Variants in ZFPM2 observed in about 807,000 individuals in gnomAD.
The protein encoded by ZFPM2 is zinc finger protein ZFPM2.
In ZFPM2, 20 loss-of-function variants were observed where a neutral mutation model predicts 98.6. The observed-to-expected ratio is 0.20, with a 90% CI of 0.14 to 0.29. The LOEUF is 0.29. Ranked by LOEUF, ZFPM2 falls within the 10% of genes least tolerant of loss-of-function variation. ZFPM2 has a pLI of 1.00. For missense variants in ZFPM2, 1,310 were observed against 1,388.6 expected (o/e 0.94, Z 0.90); for synonymous variants, 518 against 502.7 (o/e 1.03, Z -0.41).
intron 3 of ZFPM2, among the ~76,000 whole-genome samples, chr8:105,551,468 T>C (rs1814851749): frequency 6.6e-6 from 1 of 152,194 alleles, no homozygotes; most frequent in South Asian, 2.1e-4. Flanking sequence ...TTGTTATACT[T>C]GTTCTCTGAA....
Position 105,707,565 on chromosome 8 carries a change from C to T in ZFPM2, c.532+73208C>T, listed in dbSNP as rs1345902666. Among the ~76,000 whole-genome samples the T allele has an allele frequency of 2.0e-5, 3 of 152,252 alleles. No individual in the cohort carries two copies. The East Asian group carries it at 5.8e-4, about 29-fold the overall frequency. On this transcript the variant is annotated intron_variant, in intron 5 of 7. Transcript: ENST00000407775. ...TGTCTGTTGGTCAGGGTAGGTAAGA[C>T]CAATCCAATTCAGTGTATGGCCTTG...
chr8:105,391,163 G>T (rs1334430960), intron 1 of ZFPM2, among the ~76,000 whole-genome samples: 6 of 152,178 alleles, frequency 3.9e-5, no homozygotes, highest in Non-Finnish European at 8.8e-5. Flanking sequence ...AAATCTTTCA[G>T]TATGGTACCA....
intron 3 of ZFPM2, among the ~76,000 whole-genome samples, chr8:105,488,937 G>A (rs995777683): frequency 5.3e-5 from 8 of 152,074 alleles, no homozygotes; most frequent in African/African-American, 1.9e-4. Flanking sequence ...AATTTAGTTT[G>A]AAACATTATT....
In ZFPM2 at chr8:105,802,912, G is replaced by A. The variant is rs758178975; in HGVS notation, c.2830G>A (p.Val944Ile). Residue 944 changes from valine (V) to isoleucine (I), a missense_variant, in exon 8 of 8, where the codon GTC (valine) becomes ATC (isoleucine). Physicochemically the swap from Val to Ile is conservative, Grantham distance 29. Transcript: ENST00000407775. ...CCTAGCAACCCTGCAAGGCTTGAAG[G>A]TCTTTAGTGAAGCTGCTCAGCTCAT... is the stretch of plus-strand genomic sequence containing the variant. ...SHLATLQGLK[V>I]FSEAAQLIAT... 1 of 1,613,620 alleles carries A rather than the reference G, an allele frequency of 6.2e-7. No homozygotes were observed. The highest frequency in any genetic ancestry group is 1.7e-5 in the Admixed American group (1 of 59,958).
intron 4 of ZFPM2, among the ~76,000 whole-genome samples, chr8:105,595,892 A>G (rs1400315742): frequency 2.0e-5 from 3 of 151,968 alleles, no homozygotes; most frequent in Non-Finnish European, 4.4e-5. Context: ...ATAGAATAAT[A>G]TACTGCTAAC....
chr8:105,691,908 A>G (rs1421587610), intron 5 of ZFPM2, among the ~76,000 whole-genome samples: 1 of 152,222 alleles, frequency 6.6e-6, no homozygotes, highest in Non-Finnish European at 1.5e-5. Flanking sequence ...GTTTCTACTT[A>G]TTAAAAACTA....
At chr8:105,494,227 A>ATATATATT (rs56993483) in intron 3 of ZFPM2, among the ~76,000 whole-genome samples, 1 of 127,642 alleles carries the variant, frequency 7.8e-6, no homozygotes, top group Non-Finnish European at 1.6e-5. Context: ...ATATATATAT[A>ATATATATT]ATCTCAAACT....
Position 105,802,337 on chromosome 8 carries a change from G to A in ZFPM2, c.2255G>A (p.Arg752Lys). The A allele has an allele frequency of 6.2e-7, 1 of 1,613,736 alleles. No individual in the cohort carries two copies. The highest frequency in any genetic ancestry group is 8.5e-7 in the Non-Finnish European group (1 of 1,179,820). Residue 752 changes from arginine (R) to lysine (K), a missense_variant, in exon 8 of 8, where the codon AGG becomes AAG. Coordinates refer to ENST00000407775, the MANE Select transcript of ZFPM2 (RefSeq NM_012082.4). ...ATGTGCCTACCTGAGCAGGAACAAA[G>A]GCCTCCACTGGTTCAGCAGAGATTT... is the stretch of plus-strand genomic sequence containing the variant. ...YEMCLPEQEQ[R>K]PPLVQQRFLD...
chr8:105,735,143 A>T, intron 5 of ZFPM2, among the ~76,000 whole-genome samples: 1 of 148,456 alleles, frequency 6.7e-6, no homozygotes, highest in East Asian at 2.0e-4. Context: ...TACATCTATA[A>T]TATAGACATA....
At chr8:105,332,007 A>G (rs942221504) in intron 1 of ZFPM2, among the ~76,000 whole-genome samples, 8 of 151,630 alleles carry the variant, frequency 5.3e-5, no homozygotes, top group Non-Finnish European at 8.9e-5. Flanking sequence ...TAAGCATACT[A>G]TTGTTATGTA....
intron 3 of ZFPM2, among the ~76,000 whole-genome samples, chr8:105,494,662 A>G (rs1446100809): frequency 6.6e-6 from 1 of 152,134 alleles, no homozygotes; most frequent in Non-Finnish European, 1.5e-5. Flanking sequence ...TTATCTGGGA[A>G]CTTGTTAGAA....
At chr8:105,729,352 T>C (rs1030253856) in intron 5 of ZFPM2, among the ~76,000 whole-genome samples, 2 of 151,666 alleles carry the variant, frequency 1.3e-5, no homozygotes, top group Non-Finnish European at 3.0e-5. Flanking sequence ...ATTTTCATTG[T>C]AAAGGATTTC....
chr8:105,792,034 A>G (rs1434382266), intron 6 of ZFPM2, among the ~76,000 whole-genome samples: 4 of 152,138 alleles, frequency 2.6e-5, no homozygotes, highest in Non-Finnish European at 4.4e-5. Flanking sequence ...ATCCTTTCAA[A>G]AAACCAGTTC....
chr8:105,435,031 C>T (rs570242551), intron 2 of ZFPM2, among the ~76,000 whole-genome samples: 1 of 152,128 alleles, frequency 6.6e-6, no homozygotes, highest in African/African-American at 2.4e-5. Flanking sequence ...ACCAACAATA[C>T]CTAATAAGGT....
intron 5 of ZFPM2, among the ~76,000 whole-genome samples, chr8:105,772,966 G>A (rs1160293762): frequency 6.6e-6 from 1 of 152,122 alleles, no homozygotes; most frequent in Non-Finnish European, 1.5e-5. Context: ...GTTGAGCATT[G>A]GAGGATAGTC....
intron 5 of ZFPM2, among the ~76,000 whole-genome samples, chr8:105,714,185 A>C (rs748109945): frequency 6.6e-6 from 1 of 151,812 alleles, no homozygotes; most frequent in Non-Finnish European, 1.5e-5. Flanking sequence ...CCTTAGTTAG[A>C]TGTATTCCTA....
intron 5 of ZFPM2, among the ~76,000 whole-genome samples, chr8:105,757,826 A>T (rs2131065944): frequency 6.6e-6 from 1 of 152,216 alleles, no homozygotes; most frequent in African/African-American, 2.4e-5. Context: ...TGTGTGCAGA[A>T]AATAAATCCA....
intron 4 of ZFPM2, among the ~76,000 whole-genome samples, chr8:105,607,021 A>G (rs1816210564): frequency 6.6e-6 from 1 of 152,122 alleles, no homozygotes; most frequent in South Asian, 2.1e-4. Flanking sequence ...TCATAAGACC[A>G]TACCAATTTT....
chr8:105,647,527 C>T (rs868404984), intron 5 of ZFPM2, among the ~76,000 whole-genome samples: 96 of 147,090 alleles, frequency 6.5e-4, no homozygotes, highest in Middle Eastern at 3.5e-3. Context: ...TCCCTCCCGC[C>T]CCCCCCCACC....
Sources: gnomAD v4.1 joint callset for allele counts (sites outside exome capture counted in the v4.1 genomes callset) on GRCh38, gnomAD v4.1.1 for gene constraint, MANE v1.5 for transcripts, NCBI Gene and HGNC (gene_info 2026-07-23, HGNC 2026-07-21) for gene names.